SNX29: variants seen among roughly 807,000 people sequenced by gnomAD.
SNX29 encodes the protein sorting nexin 29, also known as sorting nexin-29.
SNX29 carries 78 observed loss-of-function variants against 102.1 expected under a neutral mutation model. The observed-to-expected ratio is 0.76, with a 90% CI of 0.64 to 0.92. The LOEUF (loss-of-function observed/expected upper bound fraction) is 0.92, where lower values mean the gene tolerates loss of function less well. Among genes scored for constraint, SNX29 ranks in the 40% least tolerant of loss-of-function variants. SNX29 has a pLI of 0.00. For synonymous variants in SNX29, 580 were observed against 414.5 expected, an observed-to-expected ratio of 1.40 and a Z score of -4.85; for missense variants, 1,280 against 1,061.7, an observed-to-expected ratio of 1.21 and a Z score of -2.86.
chr16:12,009,923 A>G lies in SNX29; in HGVS notation c.122+6880A>G, dbSNP rs138451969. ...GTCCCATACGGAATCAGAGGACGTG[A>G]TCTGGAAGTTTTCCCTTCAAATTAT... On this transcript the variant is annotated intron_variant, in intron 3 of 20. Transcript: ENST00000566228. Among the ~76,000 whole-genome samples the G allele has an allele frequency of 2.7e-3, 409 of 152,356 alleles. 1 individual carries two copies. The highest frequency in any genetic ancestry group is 4.1e-3 in the Non-Finnish European group (278 of 68,040).
At chr16:12,398,615 G>A (rs2083810272) in intron 17 of SNX29, 114 bp downstream of exon 17, 1 of 1,175,368 alleles carries the variant, frequency 8.5e-7, no homozygotes, top group Non-Finnish European at 1.3e-6. Context: ...ACCCACACAA[G>A]GTTGATGTGG....
At chr16:12,536,353 A>T (rs370335144) in intron 20 of SNX29, among the ~76,000 whole-genome samples, 122 of 152,136 alleles carry the variant, frequency 8.0e-4, no homozygotes, top group African/African-American at 2.8e-3. Flanking sequence ...CCGTACTGTC[A>T]GGGTTGGGGG....
chr16:12,520,071 C>T (rs189524556), intron 19 of SNX29, among the ~76,000 whole-genome samples: 8 of 152,256 alleles, frequency 5.3e-5, no homozygotes, highest in Non-Finnish European at 8.8e-5. Flanking sequence ...ATATAGCCTT[C>T]CATGAATTAT....
At chr16:12,561,324 G>A (rs1159874526) in intron 20 of SNX29, among the ~76,000 whole-genome samples, 1 of 152,086 alleles carries the variant, frequency 6.6e-6, no homozygotes, top group Admixed American at 6.6e-5. Context: ...AGGCAGAACT[G>A]GGTTTTCAAA....
rs560669168 is a variant in SNX29, at chr16:12,279,241, T to A, written c.1782+1205T>A. ...ATTGCTGTGTAGACATACCTGAGCT[T>A]GGGTGGGTTTCAGAGGCCCAGGGCC... is the stretch of plus-strand genomic sequence containing the variant. On this transcript the variant is annotated intron_variant, in intron 15 of 20. Transcript: ENST00000566228. Among the ~76,000 whole-genome samples the A allele has an allele frequency of 2.0e-5, 3 of 152,302 alleles. No homozygotes were observed. The South Asian group carries it at 6.2e-4, about 32-fold the overall frequency.
chr16:12,188,711 G>A (rs980458651), intron 13 of SNX29, among the ~76,000 whole-genome samples: 1 of 152,152 alleles, frequency 6.6e-6, no homozygotes, highest in African/African-American at 2.4e-5. Flanking sequence ...GGTTACGGGG[G>A]AGAGAGCACT....
chr16:12,124,492 AATT>A (rs1328562323), intron 11 of SNX29, among the ~76,000 whole-genome samples: 1 of 152,166 alleles, frequency 6.6e-6, no homozygotes, highest in Non-Finnish European at 1.5e-5. Flanking sequence ...ACTATAGCAA[AATT>A]ATTATTTCCT....
At chr16:12,493,520 C>G (rs2088656198) in intron 19 of SNX29, among the ~76,000 whole-genome samples, 1 of 152,106 alleles carries the variant, frequency 6.6e-6, no homozygotes. Flanking sequence ...AATTGAATAC[C>G]CTTTATTTCC....
At chr16:12,216,344 A>G (rs2077323113) in intron 14 of SNX29, among the ~76,000 whole-genome samples, 1 of 152,160 alleles carries the variant, frequency 6.6e-6, no homozygotes. Flanking sequence ...TTTCCTTGAC[A>G]CATGGACTTT....
intron 1 of SNX29, among the ~76,000 whole-genome samples, chr16:11,997,242 C>T (rs904766145): frequency 5.3e-5 from 8 of 152,306 alleles, no homozygotes; most frequent in African/African-American, 1.7e-4. Context: ...CTTGTCCTAC[C>T]TCCGAGCCTC....
At chr16:12,095,810 T>C (rs2052743226) in intron 11 of SNX29, among the ~76,000 whole-genome samples, 2 of 152,200 alleles carry the variant, frequency 1.3e-5, no homozygotes, top group African/African-American at 4.8e-5. Context: ...CTTTTGATTG[T>C]GAGCCAGGGC....
intron 18 of SNX29, among the ~76,000 whole-genome samples, chr16:12,420,979 C>G (rs115979461): frequency 2.6e-5 from 4 of 152,184 alleles, no homozygotes; most frequent in Middle Eastern, 3.2e-3. Flanking sequence ...GTCCTGTGTA[C>G]TAGGTGCTAT....
Position 12,398,490 on chromosome 16 carries a change from G to C in SNX29, c.1944G>C (p.Ser648=), listed in dbSNP as rs575164432. ...AAACGTCCGAAGACCAGAGTTTGTC[G>C]GATTTTGAAATGTAAGTCCACAGCC... ...LSQTSEDQSL[S]DFEISNRALI... is the part of the protein sequence containing the mutation. The change falls in exon 17 of 21, where the codon TCG becomes TCC. Residue 648 remains serine, a synonymous_variant. Coordinates refer to ENST00000566228, the MANE Select transcript of SNX29 (RefSeq NM_032167.5). The C allele has an allele frequency of 1.9e-6, 3 of 1,613,916 alleles. No individual in the cohort carries two copies. Among genetic ancestry groups the C allele is most frequent in the Admixed American group, 3.3e-5 (2 of 60,030 alleles).
intron 13 of SNX29, among the ~76,000 whole-genome samples, chr16:12,133,568 G>A (rs1332002999): frequency 1.3e-5 from 2 of 152,068 alleles, no homozygotes; most frequent in African/African-American, 4.8e-5. Flanking sequence ...TAGGATTACA[G>A]GCATGAGCCA....
At chr16:12,198,012 C>G (rs1567302212) in intron 13 of SNX29, among the ~76,000 whole-genome samples, 1 of 152,118 alleles carries the variant, frequency 6.6e-6, no homozygotes, top group East Asian at 1.9e-4. Flanking sequence ...TTTGGCGTAT[C>G]TATAGTAGTG....
Position 12,509,004 on chromosome 16 carries a change from C to T in SNX29, c.2179-15698C>T, listed in dbSNP as rs184725707. On this transcript the variant is annotated intron_variant, in intron 19 of 20. Coordinates refer to ENST00000566228, the MANE Select transcript of SNX29 (RefSeq NM_032167.5). ...TCCATAAGTCCCTCCGCTCAGTTCC[C>T]GGCATCCAGCACACGTTGGCTGGTG... is the stretch of plus-strand genomic sequence containing the variant. 2.6e-5 allele frequency among the ~76,000 whole-genome samples: 4 copies of T among 152,238 alleles called. No homozygotes were observed. The East Asian group carries it at 5.8e-4, about 22-fold the overall frequency.
chr16:12,014,931 C>CA (rs1327339078), intron 3 of SNX29, among the ~76,000 whole-genome samples: 2 of 151,960 alleles, frequency 1.3e-5, no homozygotes, highest in East Asian at 3.8e-4. Flanking sequence ...ATCACTGTTG[C>CA]AAAGCATGAA....
At chr16:12,109,917 G>A (rs1195406652) in intron 11 of SNX29, among the ~76,000 whole-genome samples, 1 of 152,110 alleles carries the variant, frequency 6.6e-6, no homozygotes, top group African/African-American at 2.4e-5. Flanking sequence ...TTTTAGTAGA[G>A]ACAGAGTTTC....
At chr16:12,437,711 A>G (rs570098687) in intron 18 of SNX29, among the ~76,000 whole-genome samples, 2 of 152,244 alleles carry the variant, frequency 1.3e-5, no homozygotes, top group African/African-American at 4.8e-5. Context: ...GCACACCGGC[A>G]CCCAGATTTA....
Sources: gnomAD v4.1 joint callset for allele counts (sites outside exome capture counted in the v4.1 genomes callset) on GRCh38, gnomAD v4.1.1 for gene constraint, MANE v1.5 for transcripts, NCBI Gene and HGNC (gene_info 2026-07-23, HGNC 2026-07-21) for gene names.